PI4KA: variants seen among roughly 807,000 people sequenced by gnomAD.
The protein encoded by PI4KA is PI4-kinase alpha.
Under a neutral mutation model 271.4 loss-of-function variants are expected in PI4KA, and 122 were observed. The ratio of observed to expected loss-of-function variants is 0.45; its 90% CI spans 0.39 to 0.52. PI4KA has a LOEUF of 0.52. PI4KA is among the 20% of genes least tolerant of loss of function. PI4KA has a pLI of 0.00. For missense variants in PI4KA, 1,969 were observed against 2,769.1 expected, an observed-to-expected ratio of 0.71 and a Z score of 6.48; for synonymous variants, 1,041 against 1,078.8, an observed-to-expected ratio of 0.96 and a Z score of 0.69.
chr22:20,778,400 A>C (rs985900215), intron 19 of PI4KA, among the ~76,000 whole-genome samples: 2 of 152,132 alleles, frequency 1.3e-5, no homozygotes, highest in Non-Finnish European at 2.9e-5. Flanking sequence ...GCTACTTGGG[A>C]GGCTGAGGCA....
At position 20,711,417 on chromosome 22, in the gene PI4KA, C is replaced by A. The variant is rs1395154001; in HGVS notation, c.5847G>T (p.Leu1949=). 3.6e-6 allele frequency: 5 copies of A among 1,370,446 alleles called. No homozygotes were observed. The highest frequency in any genetic ancestry group is 2.4e-5 in the East Asian group (1 of 41,574). 84.9% of individuals were successfully genotyped at this position (1,370,446 alleles called of 1,614,324 possible). ...FIRSMAAYSL[L]LFLLQIKDRH... ...TGTCCTTGATCTGCAGCAGGAACAGCAGGAGGCTGTAGGCGGCCATGCTTC... is the reference window on the plus strand; with the variant it reads ...TGTCCTTGATCTGCAGCAGGAACAGAAGGAGGCTGTAGGCGGCCATGCTTC... The change falls in exon 51 of 55, where the codon CTG becomes CTT. Residue 1949 remains leucine (L), a synonymous_variant. Transcript: ENST00000255882.
intron 17 of PI4KA, among the ~76,000 whole-genome samples, chr22:20,798,085 CA>C (rs2147582802): frequency 6.6e-6 from 1 of 152,234 alleles, no homozygotes; most frequent in Admixed American, 6.5e-5. Flanking sequence ...TCCTTGGACC[CA>C]AAATCCTACT....
Position 20,744,609 on chromosome 22 carries a change from G to T in PI4KA, c.3456+19C>A, listed in dbSNP as rs370265532. Reference sequence around the variant, plus strand: ...GAGGACACGTTAAAGGCCCTAGGGCGCAAGGACAAGAGAAGCACCTCGCCC... The same window carrying T: ...GAGGACACGTTAAAGGCCCTAGGGCTCAAGGACAAGAGAAGCACCTCGCCC... On this transcript the variant is annotated intron_variant, in intron 30 of 54. Coordinates refer to ENST00000255882, the MANE Select transcript of PI4KA (RefSeq NM_058004.4). The T allele has an allele frequency of 5.6e-6, 9 of 1,593,278 alleles. No individual in the cohort carries two copies. Among genetic ancestry groups the T allele is most frequent in the African/African-American group, 2.7e-5 (2 of 74,580 alleles).
chr22:20,770,047 T>C (rs928926652), intron 19 of PI4KA, among the ~76,000 whole-genome samples: 3 of 152,278 alleles, frequency 2.0e-5, no homozygotes, highest in East Asian at 1.9e-4. Context: ...TCTCTGTGTA[T>C]GTATACATAT....
chr22:20,742,813 G>C, intron 30 of PI4KA, 49 bp from the exon 31 acceptor site: 1 of 1,594,152 alleles, frequency 6.3e-7, no homozygotes, highest in Non-Finnish European at 8.6e-7. Flanking sequence ...CAGGCAATGT[G>C]GGTAAGGTTC....
At chr22:20,723,078 G>C (rs766847127) in intron 42 of PI4KA, among the ~76,000 whole-genome samples, 4 of 151,028 alleles carry the variant, frequency 2.6e-5, no homozygotes, top group Non-Finnish European at 5.9e-5. Context: ...TCCCAGGCTG[G>C]AGTGCAATCT....
chr22:20,849,641 G>T (rs1004532555), intron 1 of PI4KA, among the ~76,000 whole-genome samples: 2 of 151,888 alleles, frequency 1.3e-5, no homozygotes, highest in African/African-American at 4.8e-5. Flanking sequence ...TCACAACAAG[G>T]TCAGGAGATC....
chr22:20,856,437 C>CT (rs362093), intron 1 of PI4KA, among the ~76,000 whole-genome samples: 3,656 of 136,902 alleles, frequency 0.027, 59 homozygotes, highest in Non-Finnish European at 0.042. Flanking sequence ...TAATCTTTTT[C>CT]TTTTTTTTTT....
intron 53 of PI4KA, among the ~76,000 whole-genome samples, 175 bp downstream of exon 53, chr22:20,709,733 C>T (rs1247893227): frequency 1.6e-5 from 2 of 123,716 alleles, no homozygotes; most frequent in Non-Finnish European, 3.4e-5. Flanking sequence ...CAAGCAGGGG[C>T]CCCTCACAGT....
At chr22:20,770,283 C>T (rs189516675) in intron 19 of PI4KA, among the ~76,000 whole-genome samples, 6 of 151,002 alleles carry the variant, frequency 4.0e-5, no homozygotes, top group South Asian at 2.1e-4. Context: ...GAGGCTGAGG[C>T]GGGCAGATCA....
At position 20,718,747 on chromosome 22, in the gene PI4KA, TA is replaced by T; in HGVS notation, c.5191del (p.Tyr1731ThrfsTer38). The T allele has an allele frequency of 6.2e-7, 1 of 1,613,968 alleles. No individual in the cohort carries two copies. Among genetic ancestry groups the T allele is most frequent in the Non-Finnish European group, 8.5e-7 (1 of 1,179,944 alleles). ...GTTAAAGAAATCAAACTCCCGCTGG[TA>T]AAAGTCCTTCGCTGGGCCGGACAAG... Reference protein sequence around the residue: ...GSLSGPAKDFYQREFDFFNKI... With the variant: ...GSLSGPAKDFXQREFDFFNKI... On this transcript the variant is annotated frameshift_variant, in exon 44 of 55. Transcript: ENST00000255882. LOFTEE classifies it high-confidence loss of function.
At position 20,744,732 on chromosome 22, in the gene PI4KA, T is replaced by C. The variant is rs1929864375; in HGVS notation, c.3364-12A>G. The stretch of plus-strand genomic sequence containing the variant: ...CTCAGCTGAGTTGCCTACAGACAGA[T>C]AACCATTATTGTAGACTATGGCAGC... On this transcript the variant is annotated splice_polypyrimidine_tract_variant and intron_variant, in intron 29 of 54. Coordinates refer to ENST00000255882, the MANE Select transcript of PI4KA (RefSeq NM_058004.4). The C allele has an allele frequency of 1.9e-5, 31 of 1,607,718 alleles. No homozygotes were observed. The highest frequency in any genetic ancestry group is 2.6e-5 in the Non-Finnish European group (30 of 1,174,240).
Position 20,803,195 on chromosome 22 carries a change from G to A in PI4KA, c.1587C>T (p.His529=). Residue 529 remains histidine, a synonymous_variant, in exon 13 of 55, where the codon CAC becomes CAT. Coordinates refer to ENST00000255882, the MANE Select transcript of PI4KA (RefSeq NM_058004.4). The stretch of plus-strand genomic sequence containing the variant: ...GGGCACATAGTCTGTTATTACCTGT[G>A]TGGTACTGACTGTGGTACTTGTAGA... ...VKLYKYHSQY[H]TVAGNDIKIS... is the part of the protein sequence containing the mutation. 1 of 1,614,054 alleles carries A rather than the reference G, an allele frequency of 6.2e-7. No individual in the cohort carries two copies. Among genetic ancestry groups the A allele is most frequent in the Non-Finnish European group, 8.5e-7 (1 of 1,179,898 alleles).
intron 30 of PI4KA, among the ~76,000 whole-genome samples, chr22:20,743,515 G>A (rs1929704498): frequency 6.6e-6 from 1 of 152,112 alleles, no homozygotes; most frequent in African/African-American, 2.4e-5. Flanking sequence ...GAGTGCAGTG[G>A]TGCGATCATA....
chr22:20,764,600 G>T (rs1932331148), intron 22 of PI4KA: 1 of 511,024 alleles, frequency 2.0e-6, no homozygotes, highest in Non-Finnish European at 3.5e-6. Context: ...AGAAGATGAT[G>T]CGGAGCTTAG....
At chr22:20,816,873 G>A (rs755778665) in intron 7 of PI4KA, among the ~76,000 whole-genome samples, 8 of 152,156 alleles carry the variant, frequency 5.3e-5, no homozygotes, top group South Asian at 2.1e-4. Context: ...GTGGGGCAGC[G>A]GTCATGGAGA....
intron 48 of PI4KA, 127 bp downstream of exon 48, chr22:20,713,154 A>G: frequency 1.3e-6 from 1 of 794,504 alleles, no homozygotes; most frequent in South Asian, 1.5e-5. Flanking sequence ...ACCCCGTGGC[A>G]CCTGAACCAT....
chr22:20,721,297 C>T lies in PI4KA; in HGVS notation c.5116+1G>A, dbSNP rs773697738. On this transcript the variant is annotated splice_donor_variant, in intron 43 of 54. Transcript: ENST00000255882. LOFTEE classifies it high-confidence loss of function. Reference sequence around the variant, plus strand: ...GGCCTGTGGGAGGACAAAATACTCACGGTCTTTCTGGTGGCCCTCTTCATC... The same window carrying T: ...GGCCTGTGGGAGGACAAAATACTCATGGTCTTTCTGGTGGCCCTCTTCATC... The T allele has an allele frequency of 7.4e-6, 12 of 1,613,792 alleles. No individual in the cohort carries two copies. The highest frequency in any genetic ancestry group is 5.3e-5 in the African/African-American group (4 of 74,912).
chr22:20,839,274 A>G (rs1925264437), intron 1 of PI4KA, among the ~76,000 whole-genome samples: 1 of 152,190 alleles, frequency 6.6e-6, no homozygotes, highest in Non-Finnish European at 1.5e-5. Flanking sequence ...CATGTAACCA[A>G]TAAGTCATAG....
Sources: gnomAD v4.1 joint callset for allele counts (sites outside exome capture counted in the v4.1 genomes callset) on GRCh38, gnomAD v4.1.1 for gene constraint, MANE v1.5 for transcripts, NCBI Gene and HGNC (gene_info 2026-07-23, HGNC 2026-07-21) for gene names.